Variants in LMTK2 observed in about 807,000 individuals in gnomAD.
The protein encoded by LMTK2 is serine/threonine-protein kinase LMTK2.
Under a neutral mutation model 127.5 loss-of-function variants are expected in LMTK2, and 37 were observed. The ratio of observed to expected loss-of-function variants is 0.29; its 90% CI spans 0.22 to 0.38. LMTK2 has a LOEUF of 0.38. Among genes scored for constraint, LMTK2 ranks in the 10% least tolerant of loss-of-function variants. LMTK2 has a pLI of 1.00. For synonymous variants in LMTK2, 819 were observed against 810.1 expected, an observed-to-expected ratio of 1.01 and a Z score of -0.19; for missense variants, 1,694 against 1,920.3, an observed-to-expected ratio of 0.88 and a Z score of 2.20.
chr7:98,144,746 CTTT>C (rs59204405), intron 3 of LMTK2, among the ~76,000 whole-genome samples: 18 of 141,904 alleles, frequency 1.3e-4, no homozygotes, highest in Non-Finnish European at 1.7e-4. Context: ...CATAGTCCTC[CTTT>C]TTTTTTTTTT....
intron 2 of LMTK2, among the ~76,000 whole-genome samples, chr7:98,141,058 A>AAGAAT (rs1796691075): frequency 6.9e-6 from 1 of 144,998 alleles, no homozygotes. Flanking sequence ...CAACAGAGCA[A>AAGAAT]AACCTTGTCT....
In LMTK2 at chr7:98,193,892, G is replaced by C. The variant is rs767583972; in HGVS notation, c.3427G>C (p.Glu1143Gln). ...GCCCCTACCCGAGCCAGTCCTCCCC[G>C]AGCAAAGTCCTGCTGCCCAGGATAG... ...EQPLPEPVLP[E>Q]QSPAAQDSCL... Residue 1143 changes from glutamate (E) to glutamine (Q), a missense_variant, in exon 11 of 14, where the codon GAG becomes CAG. Physicochemically the swap from Glu to Gln is conservative, Grantham distance 29 (BLOSUM62 2). Around this residue, in one of 8 missense-constraint regions of LMTK2, gnomAD observed 554 missense variants for 567.7 expected, o/e 0.98. Coordinates refer to ENST00000297293, the MANE Select transcript of LMTK2 (RefSeq NM_014916.4). This position sits in a 1 kb window ranked among gnomAD's most constrained non-coding sequence, Gnocchi z 4.1. 1.9e-6 allele frequency: 3 copies of C among 1,613,912 alleles called. No individual in the cohort carries two copies. The highest frequency in any genetic ancestry group is 4.5e-5 in the East Asian group (2 of 44,886).
chr7:98,136,845 A>C (rs1482722818), intron 1 of LMTK2, among the ~76,000 whole-genome samples: 1 of 152,246 alleles, frequency 6.6e-6, no homozygotes, highest in Non-Finnish European at 1.5e-5. Flanking sequence ...GTCAAGAGTT[A>C]TGAAATGCGA....
intron 11 of LMTK2, among the ~76,000 whole-genome samples, chr7:98,198,410 C>G (rs1163493068): frequency 2.6e-5 from 4 of 152,094 alleles, no homozygotes; most frequent in Non-Finnish European, 4.4e-5. Context: ...AGGATGGTCT[C>G]AATCTCTTGA....
At chr7:98,151,946 A>G (rs954199934) in intron 4 of LMTK2, among the ~76,000 whole-genome samples, 4 of 152,200 alleles carry the variant, frequency 2.6e-5, no homozygotes, top group African/African-American at 7.2e-5. Flanking sequence ...TGGGCAGGAC[A>G]AAGGACACAG....
At chr7:98,159,531 C>A (rs1796982131) in intron 6 of LMTK2, 106 bp downstream of exon 6, 5 of 751,130 alleles carry the variant, frequency 6.7e-6, no homozygotes, top group South Asian at 6.1e-5. Flanking sequence ...GTCTGTCCCC[C>A]ACTTGAAGAA....
At chr7:98,137,581 A>G (rs556551189) in intron 2 of LMTK2, 139 bp downstream of exon 2, 10 of 698,722 alleles carry the variant, frequency 1.4e-5, no homozygotes, top group African/African-American at 7.3e-5. Context: ...AATATTTTCT[A>G]CCTTAGTGAA....
At chr7:98,204,527 T>C (rs953319318) in intron 13 of LMTK2, among the ~76,000 whole-genome samples, 1 of 152,226 alleles carries the variant, frequency 6.6e-6, no homozygotes, top group Non-Finnish European at 1.5e-5. Flanking sequence ...CTCAGGAGGC[T>C]GAGGTGGGAG....
intron 2 of LMTK2, among the ~76,000 whole-genome samples, chr7:98,140,273 C>T (rs866979463): frequency 1.3e-5 from 2 of 151,362 alleles, no homozygotes; most frequent in Non-Finnish European, 1.5e-5. Flanking sequence ...CCTGAGTAGC[C>T]AGGACTACTC....
At chr7:98,116,460 G>A (rs1038881510) in intron 1 of LMTK2, among the ~76,000 whole-genome samples, 1 of 152,048 alleles carries the variant, frequency 6.6e-6, no homozygotes, top group Non-Finnish European at 1.5e-5. Context: ...GTGTGTGTGT[G>A]TGAAGGAGAG....
chr7:98,107,183 G>T lies in LMTK2; in HGVS notation c.6G>T (p.Pro2=). ...GGAGCCGCGCCGTGGGCGAGATGCC[G>T]GGGCCGCCGGCGTTGCGGCGGAGGC... M[P]GPPALRRRLL... Residue 2 remains proline (P), a synonymous_variant, in exon 1 of 14, where the codon CCG becomes CCT. Transcript: ENST00000297293. 1 of 1,449,222 alleles carries T rather than the reference G, an allele frequency of 6.9e-7. No individual in the cohort carries two copies. Among genetic ancestry groups the T allele is most frequent in the Non-Finnish European group, 9.0e-7 (1 of 1,109,204 alleles). 89.8% of individuals were successfully genotyped at this position (1,449,222 alleles called of 1,614,324 possible).
intron 1 of LMTK2, among the ~76,000 whole-genome samples, chr7:98,112,346 AGTCACTG>A (rs1262619549): frequency 2.6e-5 from 4 of 152,194 alleles, no homozygotes; most frequent in Admixed American, 6.5e-5. Context: ...TATAGGCATG[AGTCACTG>A]CACCAGGCAA....
At chr7:98,108,497 C>T (rs1049242866) in intron 1 of LMTK2, among the ~76,000 whole-genome samples, 2 of 152,162 alleles carry the variant, frequency 1.3e-5, no homozygotes, top group African/African-American at 2.4e-5. Context: ...GTTAAATGTC[C>T]TCATTGTACC....
At position 98,205,334 on chromosome 7, in the gene LMTK2, G is replaced by C. The variant is rs541599627; in HGVS notation, c.4484-130G>C. 7 of 1,059,978 alleles carry C rather than the reference G, an allele frequency of 6.6e-6. No individual in the cohort carries two copies. In the East Asian group the frequency reaches 1.7e-4, roughly 26 times the overall value. 65.7% of individuals were successfully genotyped at this position (1,059,978 alleles called of 1,614,324 possible). ...TCCGAAGGAAAGGACAGGAAGGGCG[G>C]CTCAGGCGGTGCTGGGCTCAAAACA... On this transcript the variant is annotated intron_variant, in intron 13 of 13. Coordinates refer to ENST00000297293, the MANE Select transcript of LMTK2 (RefSeq NM_014916.4).
At chr7:98,144,926 T>C (rs1796749476) in intron 3 of LMTK2, among the ~76,000 whole-genome samples, 1 of 152,208 alleles carries the variant, frequency 6.6e-6, no homozygotes, top group Non-Finnish European at 1.5e-5. Context: ...AACAGCCCCC[T>C]GTTGATGGAT....
intron 9 of LMTK2, among the ~76,000 whole-genome samples, chr7:98,187,412 AT>A (rs1313843709): frequency 2.0e-5 from 3 of 151,886 alleles, no homozygotes; most frequent in Non-Finnish European, 1.5e-5. Context: ...TTGACTAACA[AT>A]TTCTGTCACA....
At position 98,193,156 on chromosome 7, in the gene LMTK2, C is replaced by T. The variant is rs1379121053; in HGVS notation, c.2691C>T (p.Thr897=). 6.2e-6 allele frequency: 10 copies of T among 1,613,448 alleles called. No homozygotes were observed. The East Asian group carries it at 8.9e-5, about 14-fold the overall frequency. ...PGESEETLRL[T]ESDSVLADDI... Reference sequence around the variant, plus strand: ...AGAGTGAGGAGACCCTGCGACTCACCGAAAGTGACTCTGTTCTTGCTGATG... The same window carrying T: ...AGAGTGAGGAGACCCTGCGACTCACTGAAAGTGACTCTGTTCTTGCTGATG... Residue 897 remains threonine (T), a synonymous_variant, in exon 11 of 14, where the codon ACC becomes ACT. Transcript: ENST00000297293. The surrounding 1 kb of genome is among the most constrained non-coding windows in gnomAD (Gnocchi z 4.1).
chr7:98,181,480 A>G (rs1000273762), intron 7 of LMTK2, among the ~76,000 whole-genome samples: 2 of 152,158 alleles, frequency 1.3e-5, no homozygotes, highest in Non-Finnish European at 2.9e-5. Flanking sequence ...TACTCAATAC[A>G]ATACAGTCTT....
intron 5 of LMTK2, among the ~76,000 whole-genome samples, chr7:98,156,918 T>C (rs1796933486): frequency 6.6e-6 from 1 of 152,152 alleles, no homozygotes; most frequent in Admixed American, 6.5e-5. Context: ...GGCCCACCAT[T>C]GTTGCAGGAT....
Sources: gnomAD v4.1 joint callset for allele counts (sites outside exome capture counted in the v4.1 genomes callset) on GRCh38, gnomAD v4.1.1 for gene constraint, gnomAD v4.1.1 regional missense constraint, Gnocchi (gnomAD v3.1) non-coding constraint, MANE v1.5 for transcripts, NCBI Gene and HGNC (gene_info 2026-07-23, HGNC 2026-07-21) for gene names.